ATP8B4: variants seen among roughly 807,000 people sequenced by gnomAD.
ATP8B4 encodes probable phospholipid-transporting ATPase IM.
A neutral mutation model predicts 145.6 loss-of-function variants in ATP8B4; 133 were observed. That is an observed-to-expected ratio of 0.91 (90% CI 0.79 to 1.05). The LOEUF (loss-of-function observed/expected upper bound fraction) is 1.05, where lower values mean the gene tolerates loss of function less well. Ranked by LOEUF, ATP8B4 falls within the 50% of genes least tolerant of loss-of-function variation. The pLI is 0.00. For missense variants in ATP8B4, 1,458 were observed against 1,425.2 expected (o/e 1.02, Z -0.37); for synonymous variants, 507 against 492.9 (o/e 1.03, Z -0.38).
At chr15:50,035,784 C>T (rs1229402265) in intron 6 of ATP8B4, among the ~76,000 whole-genome samples, 1 of 152,220 alleles carries the variant, frequency 6.6e-6, no homozygotes, top group Non-Finnish European at 1.5e-5. Context: ...TTTCATCCCA[C>T]TTTCTTCCCT....
At chr15:49,882,263 A>T (rs1214847990) in intron 23 of ATP8B4, among the ~76,000 whole-genome samples, 1 of 152,194 alleles carries the variant, frequency 6.6e-6, no homozygotes, top group African/African-American at 2.4e-5. Context: ...GTCCCAGCCC[A>T]GAGCAGCAGT....
Position 50,146,485 on chromosome 15 carries a change from G to A in ATP8B4, c.-43+35776C>T, listed in dbSNP as rs1030036189. On this transcript the variant is annotated intron_variant, in intron 1 of 3. Transcript: ENST00000558829. ...GAAATTCTAACTGGCCACCCTCAGG[G>A]AATATTCTAAGGATAATAATTAAGA... Among the ~76,000 whole-genome samples, 45 of 152,164 alleles carry A rather than the reference G, an allele frequency of 3.0e-4. 1 individual carries two copies. Among genetic ancestry groups the A allele is most frequent in the Non-Finnish European group, 1.0e-4 (7 of 68,024 alleles).
chr15:49,988,321 CT>C (rs2046793113), intron 9 of ATP8B4, among the ~76,000 whole-genome samples: 1 of 152,178 alleles, frequency 6.6e-6, no homozygotes, highest in Non-Finnish European at 1.5e-5. Context: ...CACAAATAAT[CT>C]TTCACGGACC....
At chr15:50,144,312 T>C (rs1193603819) in intron 1 of ATP8B4, among the ~76,000 whole-genome samples, 2 of 152,320 alleles carry the variant, frequency 1.3e-5, no homozygotes, top group East Asian at 1.9e-4. Flanking sequence ...GATAGACTTT[T>C]GCATTCACAG....
At chr15:50,115,396 G>A (rs1288079260) in intron 1 of ATP8B4, among the ~76,000 whole-genome samples, 1 of 151,934 alleles carries the variant, frequency 6.6e-6, no homozygotes, top group African/African-American at 2.4e-5. Flanking sequence ...ATGGTAGAAG[G>A]AGGGATGGAG....
chr15:50,118,117 AATTT>A (rs976498432), intron 1 of ATP8B4, among the ~76,000 whole-genome samples: 1 of 152,144 alleles, frequency 6.6e-6, no homozygotes, highest in South Asian at 2.1e-4. Flanking sequence ...AGATAATGAT[AATTT>A]ATTTTTTATT....
chr15:50,138,309 TATAGATAG>T (rs1216378146), intron 1 of ATP8B4, among the ~76,000 whole-genome samples: 31 of 141,172 alleles, frequency 2.2e-4, no homozygotes, highest in African/African-American at 8.0e-4. Context: ...TAGATACATA[TATAGATAG>T]ATAGATAGGT....
chr15:49,876,585 C>T, intron 24 of ATP8B4, 62 bp from the exon 25 acceptor site: 1 of 1,597,602 alleles, frequency 6.3e-7, no homozygotes, highest in South Asian at 1.1e-5. Flanking sequence ...GCCTTGTATT[C>T]CCTATCTTCA....
intron 6 of ATP8B4, among the ~76,000 whole-genome samples, chr15:50,038,471 C>T (rs757053090): frequency 1.3e-5 from 2 of 152,020 alleles, no homozygotes; most frequent in African/African-American, 2.4e-5. Context: ...CATACAGAAC[C>T]CCATATGCAC....
At chr15:49,905,804 T>G (rs917563395) in intron 20 of ATP8B4, among the ~76,000 whole-genome samples, 1 of 152,136 alleles carries the variant, frequency 6.6e-6, no homozygotes, top group Non-Finnish European at 1.5e-5. Context: ...CAACATCAGA[T>G]AATACAAACA....
At chr15:49,861,416 GTGTGTGTGTC>G (rs759760375) in intron 27 of ATP8B4, among the ~76,000 whole-genome samples, 23 of 137,530 alleles carry the variant, frequency 1.7e-4, no homozygotes, top group African/African-American at 6.4e-4. Context: ...GTGTGTGTGT[GTGTGTGTGTC>G]TGTCTGTCTG....
intron 6 of ATP8B4, among the ~76,000 whole-genome samples, chr15:50,023,088 C>G (rs181520435): frequency 6.6e-6 from 1 of 152,108 alleles, no homozygotes; most frequent in Non-Finnish European, 1.5e-5. Context: ...CCACCCAGCT[C>G]CAGGATGAAG....
chr15:50,007,773 A>G (rs1013387515), intron 7 of ATP8B4, among the ~76,000 whole-genome samples: 35 of 152,238 alleles, frequency 2.3e-4, no homozygotes, highest in East Asian at 1.9e-4. Context: ...AGGGAGATAT[A>G]TTAGTACTCC....
intron 13 of ATP8B4, among the ~76,000 whole-genome samples, chr15:49,972,089 A>G (rs1474068959): frequency 6.6e-6 from 1 of 152,158 alleles, no homozygotes; most frequent in Non-Finnish European, 1.5e-5. Context: ...ACATGAACAC[A>G]GGGAGGGGAA....
chr15:49,905,916 G>A (rs1318679998), intron 20 of ATP8B4, among the ~76,000 whole-genome samples: 1 of 151,934 alleles, frequency 6.6e-6, no homozygotes, highest in Non-Finnish European at 1.5e-5. Context: ...AAGGAGGTGG[G>A]TAGATGTATA....
Position 49,878,503 on chromosome 15 carries a change from T to TGTG in ATP8B4, c.2781+870_2781+872dup, listed in dbSNP as rs1393399777. ...AGGTCTAACAACAGCCTGGAGAAAA[T>TGTG]GTGGTCTCCTTAAAAATACTTTTTT... On this transcript the variant is annotated intron_variant, in intron 24 of 27. Coordinates refer to ENST00000284509, the MANE Select transcript of ATP8B4 (RefSeq NM_024837.4). Among the ~76,000 whole-genome samples the TGTG allele has an allele frequency of 2.0e-5, 3 of 152,236 alleles. No homozygotes were observed. The East Asian group carries it at 5.8e-4, about 29-fold the overall frequency.
At chr15:50,015,378 A>C (rs534922445) in intron 6 of ATP8B4, among the ~76,000 whole-genome samples, 4 of 152,364 alleles carry the variant, frequency 2.6e-5, no homozygotes, top group African/African-American at 9.6e-5. Context: ...TAGAAGCAGA[A>C]AGAAGTAATA....
At chr15:50,114,457 C>A in intron 1 of ATP8B4, 1 of 152,318 alleles carries the variant, frequency 6.6e-6, no homozygotes. Flanking sequence ...TTTCTCCTTC[C>A]CTTCTCTTCC....
intron 13 of ATP8B4, among the ~76,000 whole-genome samples, chr15:49,966,674 G>A (rs1333389972): frequency 2.0e-5 from 3 of 152,172 alleles, no homozygotes; most frequent in Admixed American, 6.5e-5. Context: ...TGGGGGAAGG[G>A]GTGGCTGTGC....
Sources: allele counts gnomAD v4.1 joint callset (sites outside exome capture counted in the v4.1 genomes callset), GRCh38; gene constraint gnomAD v4.1.1; transcripts MANE v1.5; gene names NCBI Gene and HGNC (gene_info 2026-07-23, HGNC 2026-07-21).